The following COL14A1 variants were observed in gnomAD, a reference collection of about 807,000 sequenced individuals.
The protein encoded by COL14A1 is collagen alpha-1(XIV) chain.
In COL14A1, 136 loss-of-function variants were observed where a neutral mutation model predicts 230.3. The ratio of observed to expected loss-of-function variants is 0.59; its 90% confidence interval spans 0.51 to 0.68. The LOEUF (loss-of-function observed/expected upper bound fraction) is 0.68. Ranked by LOEUF, COL14A1 falls within the 30% of genes least tolerant of loss-of-function variation. COL14A1 has a pLI of 0.00. For synonymous variants in COL14A1, 792 were observed against 784.1 expected (o/e 1.01, Z -0.17); for missense variants, 1,976 against 2,215.8 (o/e 0.89, Z 2.17).
At chr8:120,174,368 A>G (rs1003305208) in intron 5 of COL14A1, among the ~76,000 whole-genome samples, 4 of 151,966 alleles carry the variant, frequency 2.6e-5, no homozygotes, top group Admixed American at 6.6e-5. Flanking sequence ...AGCTATAGCT[A>G]TGTATTCCTA....
At chr8:120,207,582 G>A (rs1425075044) in intron 10 of COL14A1, among the ~76,000 whole-genome samples, 1 of 152,078 alleles carries the variant, frequency 6.6e-6, no homozygotes, top group Non-Finnish European at 1.5e-5. Context: ...CGCTATGGCT[G>A]GCATATTTTT....
intron 42 of COL14A1, among the ~76,000 whole-genome samples, chr8:120,340,563 C>T (rs1393247553): frequency 1.2e-4 from 19 of 152,184 alleles, no homozygotes; most frequent in Admixed American, 1.2e-3. Context: ...GTTCAATGAA[C>T]ATTGCCTCAG....
chr8:120,151,010 A>T (rs1416390557), intron 2 of COL14A1, among the ~76,000 whole-genome samples: 3 of 152,078 alleles, frequency 2.0e-5, no homozygotes, highest in African/African-American at 7.2e-5. Context: ...AAAAAATCCA[A>T]CATCAATTAT....
chr8:120,359,607 C>T (rs1823119060), intron 45 of COL14A1, among the ~76,000 whole-genome samples: 1 of 152,096 alleles, frequency 6.6e-6, no homozygotes, highest in South Asian at 2.1e-4. Context: ...TTCTTAATAG[C>T]CAATAGTGGA....
In COL14A1 at chr8:120,319,842, GCAA is replaced by G. The variant is rs1323005259; in HGVS notation, c.4659+3846_4659+3848del. Reference sequence around the variant, plus strand: ...AGAGTACAGGACCACACTTTAAAAAGCAATAGTGCAAGTTCATATTTCACAGCC... The same window carrying G: ...AGAGTACAGGACCACACTTTAAAAAGTAGTGCAAGTTCATATTTCACAGCC... On this transcript the variant is annotated intron_variant, in intron 40 of 47. Coordinates refer to ENST00000297848, the MANE Select transcript of COL14A1 (RefSeq NM_021110.4). 2.2e-3 allele frequency among the ~76,000 whole-genome samples: 330 copies of G among 152,114 alleles called. 1 individual carries two copies. The highest frequency in any genetic ancestry group is 7.2e-3 in the African/African-American group (298 of 41,410).
chr8:120,268,017 C>A (rs1329130680), intron 25 of COL14A1, among the ~76,000 whole-genome samples: 1 of 151,742 alleles, frequency 6.6e-6, no homozygotes, highest in Non-Finnish European at 1.5e-5. Context: ...GAGCTTAAAG[C>A]CAGTAGATTC....
chr8:120,337,512 G>T lies in COL14A1; in HGVS notation c.4786-3813G>T, dbSNP rs180854479. 3.9e-5 allele frequency among the ~76,000 whole-genome samples: 6 copies of T among 152,200 alleles called. No individual in the cohort carries two copies. In the East Asian group the frequency reaches 1.2e-3, roughly 29 times the overall value. ...TAGAAGAATATTCTTATAGATTAGG[G>T]GTCAGGTCATGGAAGACGTTTCAAG... On this transcript the variant is annotated intron_variant, in intron 42 of 47. Transcript: ENST00000297848.
intron 7 of COL14A1, among the ~76,000 whole-genome samples, 169 bp downstream of exon 7, chr8:120,198,099 C>T (rs1182805043): frequency 6.6e-6 from 1 of 152,098 alleles, no homozygotes; most frequent in African/African-American, 2.4e-5. Context: ...AGCCAGATAT[C>T]TCATTCCTTT....
chr8:120,227,172 C>T, intron 16 of COL14A1, 48 bp from the exon 17 acceptor site: 1 of 1,592,086 alleles, frequency 6.3e-7, no homozygotes, highest in South Asian at 1.1e-5. Flanking sequence ...TTTTTCTTTA[C>T]TTTTTTTTCA....
chr8:120,212,096 C>CTGGA (rs1203464352), intron 12 of COL14A1, among the ~76,000 whole-genome samples: 17 of 152,208 alleles, frequency 1.1e-4, no homozygotes, highest in African/African-American at 4.1e-4. Flanking sequence ...GCACACTGGC[C>CTGGA]TGGAGCTCAC....
rs75058260 is a variant in COL14A1, at chr8:120,128,816, A to G, written c.-38+3476A>G. Reference sequence around the variant, plus strand: ...CCTGAAAGGTGTCTCTGTGAATTTTAGAGAGCAATGTTTTGCCTCATTTCT... The same window carrying G: ...CCTGAAAGGTGTCTCTGTGAATTTTGGAGAGCAATGTTTTGCCTCATTTCT... On this transcript the variant is annotated intron_variant, in intron 1 of 47. Transcript: ENST00000297848. 2.6e-5 allele frequency among the ~76,000 whole-genome samples: 4 copies of G among 152,270 alleles called. No homozygotes were observed. In the South Asian group the frequency reaches 8.3e-4, roughly 32 times the overall value.
intron 6 of COL14A1, among the ~76,000 whole-genome samples, chr8:120,197,258 G>A (rs1817069255): frequency 6.6e-6 from 1 of 152,062 alleles, no homozygotes; most frequent in Non-Finnish European, 1.5e-5. Context: ...AAAAGAAATA[G>A]CTAAATCTAG....
rs1818104346 is a variant in COL14A1, at chr8:120,226,614, C to T, written c.1865-13C>T. 1 of 1,611,942 alleles carries T rather than the reference C, an allele frequency of 6.2e-7. No homozygotes were observed. The highest frequency in any genetic ancestry group is 8.5e-7 in the Non-Finnish European group (1 of 1,178,678). On this transcript the variant is annotated splice_polypyrimidine_tract_variant and intron_variant, in intron 15 of 47. Coordinates refer to ENST00000297848, the MANE Select transcript of COL14A1 (RefSeq NM_021110.4). ...CTCATTTCCCTAACAAAACCTCCTTCCTCGGTTTACAGAGGAAGTTCCAGC... is the reference window on the plus strand; with the variant it reads ...CTCATTTCCCTAACAAAACCTCCTTTCTCGGTTTACAGAGGAAGTTCCAGC...
intron 19 of COL14A1, among the ~76,000 whole-genome samples, chr8:120,237,712 A>C (rs550570472): frequency 6.6e-6 from 1 of 152,198 alleles, no homozygotes; most frequent in Non-Finnish European, 1.5e-5. Flanking sequence ...TGAAACTTTC[A>C]GCCTTTTTAT....
chr8:120,127,401 G>C (rs747311851), intron 1 of COL14A1, among the ~76,000 whole-genome samples: 5 of 152,224 alleles, frequency 3.3e-5, no homozygotes, highest in Non-Finnish European at 7.3e-5. Context: ...TCCCTGGGAA[G>C]TATTCCTTGG....
intron 45 of COL14A1, among the ~76,000 whole-genome samples, chr8:120,358,251 A>G (rs994860398): frequency 6.6e-6 from 1 of 152,200 alleles, no homozygotes; most frequent in Non-Finnish European, 1.5e-5. Flanking sequence ...ATGTCATTCA[A>G]TACCCAGATA....
At chr8:120,196,553 G>A (rs946114732) in intron 5 of COL14A1, among the ~76,000 whole-genome samples, 6 of 152,190 alleles carry the variant, frequency 3.9e-5, no homozygotes, top group Non-Finnish European at 7.3e-5. Context: ...GAGTTGTCAG[G>A]ATGGTGTGAA....
intron 19 of COL14A1, among the ~76,000 whole-genome samples, chr8:120,242,221 A>G (rs1219093009): frequency 2.0e-5 from 3 of 152,192 alleles, no homozygotes; most frequent in African/African-American, 7.2e-5. Flanking sequence ...AGCATTTCTG[A>G]TAAGGGTTAC....
At chr8:120,162,155 C>G (rs1563643673) in intron 3 of COL14A1, among the ~76,000 whole-genome samples, 1 of 152,068 alleles carries the variant, frequency 6.6e-6, no homozygotes, top group African/African-American at 2.4e-5. Context: ...AAAAAGGGTA[C>G]AGCTAAAAAG....
Sources: allele counts gnomAD v4.1 joint callset (sites outside exome capture counted in the v4.1 genomes callset), GRCh38; gene constraint gnomAD v4.1.1; transcripts MANE v1.5; gene names NCBI Gene and HGNC (gene_info 2026-07-23, HGNC 2026-07-21).